The following SYNRG variants were observed in gnomAD, a reference collection of about 807,000 sequenced individuals.
SYNRG encodes synergin gamma.
In SYNRG, 37 loss-of-function variants were observed where a neutral mutation model predicts 130.9. That is an observed-to-expected ratio of 0.28 (90% CI 0.22 to 0.37). The LOEUF is 0.37. Among genes scored for constraint, SYNRG ranks in the 10% least tolerant of loss-of-function variants. SYNRG has a pLI of 1.00. For synonymous variants in SYNRG, 539 were observed against 568.1 expected (o/e 0.95, Z 0.73); for missense variants, 1,338 against 1,588.9 (o/e 0.84, Z 2.68).
rs772104754 is a variant in SYNRG at position 37,542,582 on chromosome 17, AC to A, written c.2609-18del. On this transcript the variant is annotated intron_variant, in intron 14 of 21. Transcript: ENST00000612223. ...CCTCTATATCTGAAAGGGAAATAAG[AC>A]CCCACAATTAGAGGCAAGCAATTTA... 1.3e-6 allele frequency: 2 copies of A among 1,593,636 alleles called. No homozygotes were observed. Among genetic ancestry groups the A allele is most frequent in the Admixed American group, 1.7e-5 (1 of 58,434 alleles).
intron 6 of SYNRG, 69 bp downstream of exon 6, chr17:37,584,579 A>C: frequency 1.7e-6 from 2 of 1,209,276 alleles, no homozygotes. Context: ...TATAATGGCG[A>C]GGTAAAGAAA....
intron 19 of SYNRG, among the ~76,000 whole-genome samples, chr17:37,530,421 A>G (rs1271166984): frequency 6.6e-6 from 1 of 152,242 alleles, no homozygotes; most frequent in East Asian, 1.9e-4. Context: ...AAATGGTGAC[A>G]CATCCTTCTC....
chr17:37,602,503 A>G lies in SYNRG; in HGVS notation c.78-2100T>C, dbSNP rs185568050. The stretch of plus-strand genomic sequence containing the variant: ...GCTTATAACTGAGAGTTATAACTGA[A>G]GAAGGACCACATTTCAACAAGGAAG... On this transcript the variant is annotated intron_variant, in intron 1 of 21. Coordinates refer to ENST00000612223, the MANE Select transcript of SYNRG (RefSeq NM_007247.6). Among the ~76,000 whole-genome samples, 288 of 152,296 alleles carry G rather than the reference A, an allele frequency of 1.9e-3. 1 individual carries two copies. Among genetic ancestry groups the G allele is most frequent in the African/African-American group, 6.6e-3 (276 of 41,568 alleles).
chr17:37,573,211 A>G (rs1319942556), intron 8 of SYNRG, among the ~76,000 whole-genome samples: 1 of 152,020 alleles, frequency 6.6e-6, no homozygotes, highest in African/African-American at 2.4e-5. Context: ...AGACCAGCCT[A>G]GCCAATACGG....
intron 13 of SYNRG, among the ~76,000 whole-genome samples, chr17:37,560,325 T>C (rs2059428074): frequency 6.6e-6 from 1 of 151,558 alleles, no homozygotes; most frequent in South Asian, 2.1e-4. Context: ...TAATCCCCCA[T>C]TCAGCACCTA....
At position 37,553,938 on chromosome 17, in the gene SYNRG, G is replaced by C. The variant is rs747877050; in HGVS notation, c.1785C>G (p.Phe595Leu). 2 of 1,610,740 alleles carry C rather than the reference G, an allele frequency of 1.2e-6. No individual in the cohort carries two copies. Among genetic ancestry groups the C allele is most frequent in the Admixed American group, 3.4e-5 (2 of 58,514 alleles). The change falls in exon 14 of 22, where the codon TTC becomes TTG. Residue 595 changes from phenylalanine (F) to leucine (L), a missense_variant. This residue lies in a region of SYNRG where 1,146 missense variants were observed against 1,342.3 expected (regional missense o/e 0.85). Transcript: ENST00000612223. Reference sequence around the variant, plus strand: ...GTTTCTGTTGTATAGTTCCTGAGGGGAAGGATGGTGGAAAAGTTTTGTCTT... The same window carrying C: ...GTTTCTGTTGTATAGTTCCTGAGGGCAAGGATGGTGGAAAAGTTTTGTCTT... ...PTKDKTFPPS[F>L]PSGTIQQKQQ...
rs375895919 is a variant in SYNRG at position 37,542,265 on chromosome 17, G to T, written c.2909C>A (p.Thr970Lys). The T allele has an allele frequency of 6.8e-6, 11 of 1,614,172 alleles. No individual in the cohort carries two copies. The highest frequency in any genetic ancestry group is 8.5e-6 in the Non-Finnish European group (10 of 1,180,034). The change falls in exon 15 of 22, where the codon ACG (threonine) becomes AAG (lysine). Residue 970 changes from threonine to lysine, a missense_variant. Physicochemically the swap from Thr to Lys is moderately conservative, Grantham distance 78. This residue lies in a region of SYNRG where 1,146 missense variants were observed against 1,342.3 expected (regional missense o/e 0.85). Coordinates refer to ENST00000612223, the MANE Select transcript of SYNRG (RefSeq NM_007247.6). The part of the protein sequence containing the change: ...TFPALASFKD[T>K]IPQTSEQKEY... ...CTTTTGCTCACTGGTCTGAGGAATC[G>T]TGTCTTTAAAACTGGCAAGAGCTGG...
intron 21 of SYNRG, 71 bp downstream of exon 21, chr17:37,520,108 A>C: frequency 6.6e-7 from 1 of 1,519,338 alleles, no homozygotes; most frequent in South Asian, 1.1e-5. Context: ...CAATGGATAG[A>C]ATCATCCAAT....
At chr17:37,600,187 A>G (rs2063145944) in intron 2 of SYNRG, among the ~76,000 whole-genome samples, 176 bp downstream of exon 2, 3 of 152,264 alleles carry the variant, frequency 2.0e-5, no homozygotes, top group South Asian at 4.1e-4. Flanking sequence ...CCAAAATTAT[A>G]TAATTTTTGA....
At chr17:37,531,828 A>G (rs2056660260) in intron 19 of SYNRG, among the ~76,000 whole-genome samples, 1 of 152,066 alleles carries the variant, frequency 6.6e-6, no homozygotes, top group South Asian at 2.1e-4. Flanking sequence ...ACACATCCCT[A>G]ATATCATTTT....
At chr17:37,522,174 G>A (rs1258538399) in intron 19 of SYNRG, among the ~76,000 whole-genome samples, 1 of 88,630 alleles carries the variant, frequency 1.1e-5, no homozygotes, top group East Asian at 3.3e-4. Flanking sequence ...AAAAGGGTAG[G>A]TCTCAATCTT....
chr17:37,560,644 A>T (rs1468855035), intron 13 of SYNRG, among the ~76,000 whole-genome samples: 1 of 150,272 alleles, frequency 6.7e-6, no homozygotes, highest in Non-Finnish European at 1.5e-5. Flanking sequence ...CGACCCTATC[A>T]TGATATTTTT....
At chr17:37,556,501 A>T (rs893359992) in intron 13 of SYNRG, among the ~76,000 whole-genome samples, 5 of 151,458 alleles carry the variant, frequency 3.3e-5, no homozygotes, top group African/African-American at 1.2e-4. Flanking sequence ...TAAAAAATAA[A>T]ATATACTGTG....
intron 2 of SYNRG, among the ~76,000 whole-genome samples, chr17:37,598,060 T>C (rs979070127): frequency 6.6e-6 from 1 of 152,218 alleles, no homozygotes; most frequent in Non-Finnish European, 1.5e-5. Context: ...TATTCAAGTA[T>C]TTGAAGCCTA....
chr17:37,582,473 T>C (rs1016748812), intron 6 of SYNRG, among the ~76,000 whole-genome samples: 1 of 152,224 alleles, frequency 6.6e-6, no homozygotes, highest in Non-Finnish European at 1.5e-5. Flanking sequence ...CAATGTTTCT[T>C]TGCATTTGGC....
chr17:37,521,135 C>T (rs1057101264), intron 19 of SYNRG, among the ~76,000 whole-genome samples: 2 of 151,188 alleles, frequency 1.3e-5, no homozygotes, highest in African/African-American at 2.4e-5. Flanking sequence ...CGGGTTCAAG[C>T]GATTCTCCTG....
intron 2 of SYNRG, among the ~76,000 whole-genome samples, chr17:37,597,291 T>C (rs188337869): frequency 9.2e-5 from 14 of 152,190 alleles, no homozygotes; most frequent in African/African-American, 2.9e-4. Flanking sequence ...TGCAATCTCA[T>C]AAGAGGTCTT....
At chr17:37,603,225 T>C (rs1232153496) in intron 1 of SYNRG, among the ~76,000 whole-genome samples, 1 of 151,946 alleles carries the variant, frequency 6.6e-6, no homozygotes, top group African/African-American at 2.4e-5. Flanking sequence ...AGTGAATGGC[T>C]GGGTCTGGTG....
intron 8 of SYNRG, among the ~76,000 whole-genome samples, chr17:37,575,434 T>A (rs377613810): frequency 1.3e-5 from 2 of 150,610 alleles, no homozygotes; most frequent in South Asian, 2.2e-4. Context: ...AATATACAAT[T>A]ATGTAGCCAC....
Sources: gnomAD v4.1 joint callset for allele counts (sites outside exome capture counted in the v4.1 genomes callset) on GRCh38, gnomAD v4.1.1 for gene constraint, gnomAD v4.1.1 regional missense constraint, MANE v1.5 for transcripts, NCBI Gene and HGNC (gene_info 2026-07-23, HGNC 2026-07-21) for gene names.